The following HPSE2 variants were observed in gnomAD, a reference collection of about 807,000 sequenced individuals.
HPSE2 encodes the protein inactive heparanase-2.
A neutral mutation model predicts 60.5 loss-of-function variants in HPSE2; 38 were observed. The ratio of observed to expected loss-of-function variants is 0.63; its 90% CI spans 0.48 to 0.82. HPSE2 has a LOEUF of 0.82. Among genes scored for constraint, HPSE2 ranks in the 40% least tolerant of loss-of-function variants. The pLI is 0.00. For missense variants in HPSE2, 713 were observed against 740.4 expected (o/e 0.96, Z 0.43); for synonymous variants, 295 against 293.2 (o/e 1.01, Z -0.06).
At chr10:98,916,814 T>C (rs1954131499) in intron 3 of HPSE2, among the ~76,000 whole-genome samples, 1 of 152,222 alleles carries the variant, frequency 6.6e-6, no homozygotes, top group Admixed American at 6.5e-5. Flanking sequence ...CCTGCCTGTA[T>C]ACATAGCTCA....
intron 3 of HPSE2, among the ~76,000 whole-genome samples, chr10:99,093,544 C>T (rs940619639): frequency 4.6e-5 from 7 of 152,078 alleles, no homozygotes; most frequent in African/African-American, 1.7e-4. Flanking sequence ...AAGGTTGAGG[C>T]ACCCGCAGGT....
intron 11 of HPSE2, among the ~76,000 whole-genome samples, chr10:98,474,410 A>G (rs2133617065): frequency 6.6e-6 from 1 of 152,302 alleles, no homozygotes; most frequent in African/African-American, 2.4e-5. Flanking sequence ...ATGAAATATC[A>G]TAATATGGTC....
At chr10:99,216,009 G>A (rs1849108475) in intron 2 of HPSE2, among the ~76,000 whole-genome samples, 1 of 152,128 alleles carries the variant, frequency 6.6e-6, no homozygotes, top group Non-Finnish European at 1.5e-5. Context: ...AATAAATGTA[G>A]TCTGATAATG....
chr10:99,129,030 C>T (rs766310592), intron 3 of HPSE2, among the ~76,000 whole-genome samples: 2 of 152,012 alleles, frequency 1.3e-5, no homozygotes, highest in Non-Finnish European at 2.9e-5. Flanking sequence ...GACTTAAAAG[C>T]AACAACAGTT....
chr10:98,937,865 T>C (rs61883693), intron 3 of HPSE2, among the ~76,000 whole-genome samples: 3,641 of 142,456 alleles, frequency 0.026, 390 homozygotes, highest in Admixed American at 0.06. Context: ...ACACCTCACA[T>C]GGCCCAGTAC....
At chr10:98,850,352 T>C (rs1452471462) in intron 3 of HPSE2, among the ~76,000 whole-genome samples, 1 of 152,096 alleles carries the variant, frequency 6.6e-6, no homozygotes, top group African/African-American at 2.4e-5. Flanking sequence ...ATAGGAACAG[T>C]TCTAGTAACT....
At chr10:98,701,956 C>T (rs766807083) in intron 5 of HPSE2, among the ~76,000 whole-genome samples, 1 of 152,132 alleles carries the variant, frequency 6.6e-6, no homozygotes, top group Non-Finnish European at 1.5e-5. Flanking sequence ...TTACACATAA[C>T]AATATTAACC....
intron 9 of HPSE2, among the ~76,000 whole-genome samples, chr10:98,572,784 C>G (rs1021442991): frequency 4.6e-5 from 7 of 152,120 alleles, no homozygotes; most frequent in Non-Finnish European, 8.8e-5. Flanking sequence ...GTGTGAAATC[C>G]CCCCAACAAG....
intron 7 of HPSE2, 67 bp downstream of exon 7, chr10:98,641,780 C>T: frequency 3.3e-6 from 4 of 1,208,440 alleles, no homozygotes; most frequent in South Asian, 2.4e-5. Flanking sequence ...CCAGCTGGGA[C>T]TTTGTGTCTT....
chr10:98,497,332 C>T (rs963160771), intron 9 of HPSE2, among the ~76,000 whole-genome samples: 1 of 152,062 alleles, frequency 6.6e-6, no homozygotes, highest in African/African-American at 2.4e-5. Flanking sequence ...CACTTAAAGT[C>T]ACAGTTTCTA....
At chr10:99,261,973 G>T in the HPSE2 span, among the ~76,000 whole-genome samples, 2 of 152,126 alleles carry the variant, frequency 1.3e-5, no homozygotes, top group Non-Finnish European at 2.9e-5. Context: ...TGTCCAACTC[G>T]CCTGGCAGCC....
At chr10:99,112,326 A>G (rs1589674559) in intron 3 of HPSE2, among the ~76,000 whole-genome samples, 1 of 151,966 alleles carries the variant, frequency 6.6e-6, no homozygotes, top group African/African-American at 2.4e-5. Context: ...TGCAAGCTCC[A>G]CCTCCTGGGT....
the HPSE2 span, among the ~76,000 whole-genome samples, chr10:99,252,163 T>A: frequency 6.6e-6 from 1 of 151,962 alleles, no homozygotes; most frequent in South Asian, 2.1e-4. Flanking sequence ...CAAAGGAACA[T>A]ACCTCAAAAT....
At chr10:98,494,665 T>G (rs1345283898) in intron 9 of HPSE2, among the ~76,000 whole-genome samples, 1 of 152,240 alleles carries the variant, frequency 6.6e-6, no homozygotes, top group Non-Finnish European at 1.5e-5. Flanking sequence ...GAGGAACTTC[T>G]ATTTCTCTTT....
chr10:99,106,055 T>C (rs1697814553), intron 3 of HPSE2, among the ~76,000 whole-genome samples: 1 of 152,172 alleles, frequency 6.6e-6, no homozygotes, highest in South Asian at 2.1e-4. Flanking sequence ...TTTCTAAATT[T>C]GTTCTTCCTT....
intron 7 of HPSE2, among the ~76,000 whole-genome samples, chr10:98,637,705 G>A (rs372067441): frequency 2.6e-4 from 39 of 152,276 alleles, no homozygotes; most frequent in African/African-American, 6.7e-4. Context: ...CCCACATGGC[G>A]TCATTTTGGT....
chr10:98,744,231 G>A (rs575339313), intron 3 of HPSE2, among the ~76,000 whole-genome samples, 175 bp from the exon 4 acceptor site: 51 of 152,222 alleles, frequency 3.4e-4, no homozygotes, highest in Admixed American at 9.2e-4. Flanking sequence ...GTTGACTTTA[G>A]AAAGCAGCAG....
At chr10:98,959,844 G>A (rs1294343533) in intron 3 of HPSE2, among the ~76,000 whole-genome samples, 1 of 152,022 alleles carries the variant, frequency 6.6e-6, no homozygotes, top group Non-Finnish European at 1.5e-5. Flanking sequence ...AATTCTAGGG[G>A]CAGAAAAATA....
intron 9 of HPSE2, among the ~76,000 whole-genome samples, chr10:98,603,780 T>C (rs779240456): frequency 1.8e-4 from 27 of 152,046 alleles, no homozygotes; most frequent in Admixed American, 5.2e-4. Flanking sequence ...CATAGCCTAA[T>C]AATACCCTGT....
Sources: allele counts gnomAD v4.1 joint callset (sites outside exome capture counted in the v4.1 genomes callset), GRCh38; gene constraint gnomAD v4.1.1; transcripts MANE v1.5; gene names NCBI Gene and HGNC (gene_info 2026-07-23, HGNC 2026-07-21).